Variants in SEPTIN11 observed in about 807,000 individuals in gnomAD.
SEPTIN11 encodes septin 11, also known as septin-11.
SEPTIN11 carries 25 observed loss-of-function variants against 51.4 expected under a neutral mutation model. The observed-to-expected ratio is 0.49, with a 90% CI of 0.35 to 0.68. The LOEUF (loss-of-function observed/expected upper bound fraction) is 0.68. Ranked by LOEUF, SEPTIN11 falls within the 30% of genes least tolerant of loss-of-function variation. SEPTIN11 has a pLI of 0.00. For synonymous variants in SEPTIN11, 174 were observed against 184.1 expected (o/e 0.95, Z 0.44); for missense variants, 381 against 520.8 (o/e 0.73, Z 2.61).
At chr4:76,953,887 C>A (rs970103237) in intron 1 of SEPTIN11, among the ~76,000 whole-genome samples, 1 of 152,112 alleles carries the variant, frequency 6.6e-6, no homozygotes, top group African/African-American at 2.4e-5. Flanking sequence ...TGCCCATAAC[C>A]CACTATCCTG....
intron 1 of SEPTIN11, among the ~76,000 whole-genome samples, chr4:76,962,003 C>T (rs1721844819): frequency 2.0e-5 from 3 of 152,122 alleles, no homozygotes; most frequent in Admixed American, 2.0e-4. Context: ...AAATGAGATG[C>T]TTTGGAAAGT....
In SEPTIN11 at chr4:77,034,668, G is replaced by T. The variant is rs1726907702; in HGVS notation, c.*156G>T. The stretch of plus-strand genomic sequence containing the variant: ...TTATTAACTCGTTTTGCTGAATGTT[G>T]TTGGGTGGTAGAAAATGATAGAACA... On this transcript the variant is annotated 3_prime_UTR_variant, in exon 10 of 10. Transcript: ENST00000264893. 5 of 1,328,200 alleles carry T rather than the reference G, an allele frequency of 3.8e-6. No individual in the cohort carries two copies. Among genetic ancestry groups the T allele is most frequent in the East Asian group, 6.2e-5 (2 of 32,498 alleles). 82.3% of individuals were successfully genotyped at this position (1,328,200 alleles called of 1,614,324 possible).
intron 2 of SEPTIN11, among the ~76,000 whole-genome samples, chr4:76,997,883 T>G (rs1416646682): frequency 1.3e-5 from 2 of 152,168 alleles, no homozygotes; most frequent in Non-Finnish European, 2.9e-5. Context: ...TGGCTTCTCT[T>G]CAGTGCCTCC....
chr4:76,956,116 A>G (rs1172264561), intron 1 of SEPTIN11, among the ~76,000 whole-genome samples: 1 of 152,196 alleles, frequency 6.6e-6, no homozygotes, highest in Non-Finnish European at 1.5e-5. Context: ...ATACCAGTAT[A>G]AATTTTGTGA....
rs1172048101 is a variant in SEPTIN11, at chr4:76,996,463, G to A, written c.66G>A (p.Val22=). Residue 22 remains valine, a synonymous_variant, in exon 2 of 10, where the codon GTG becomes GTA. Transcript: ENST00000264893. ...ELRNLSLSGH[V]GFDSLPDQLV... is the part of the protein sequence containing the mutation. The stretch of plus-strand genomic sequence containing the variant: ...GAAACTTGTCTTTGTCTGGCCATGT[G>A]GGATTTGACAGCCTCCCTGACCAGC... The A allele has an allele frequency of 1.2e-6, 2 of 1,613,956 alleles. No individual in the cohort carries two copies. Among genetic ancestry groups the A allele is most frequent in the Non-Finnish European group, 1.7e-6 (2 of 1,179,960 alleles).
chr4:77,010,954 G>A (rs1176927779), intron 3 of SEPTIN11, among the ~76,000 whole-genome samples: 1 of 152,162 alleles, frequency 6.6e-6, no homozygotes, highest in African/African-American at 2.4e-5. Flanking sequence ...TAGTCATTGT[G>A]TTTATGGTCA....
At chr4:77,033,167 A>C (rs1459898198) in intron 9 of SEPTIN11, among the ~76,000 whole-genome samples, 1 of 152,016 alleles carries the variant, frequency 6.6e-6, no homozygotes, top group Non-Finnish European at 1.5e-5. Context: ...AAGAAAAAAA[A>C]AAATCACACC....
In SEPTIN11 at chr4:77,019,183, G is replaced by C; in HGVS notation, c.706G>C (p.Val236Leu). 6.2e-7 allele frequency: 1 copy of C among 1,613,468 alleles called. No individual in the cohort carries two copies. The highest frequency in any genetic ancestry group is 1.1e-5 in the South Asian group (1 of 90,762). The change falls in exon 6 of 10, where the codon GTG becomes CTG. Residue 236 changes from valine to leucine, a missense_variant. This residue lies in a region of SEPTIN11 where 197 missense variants were observed against 313.1 expected (regional missense o/e 0.63). Transcript: ENST00000264893. ...ATMSVHLPFA[V>L]VGSTEEVKIG... The stretch of plus-strand genomic sequence containing the variant: ...TTGGCAGGTCCATCTCCCATTTGCA[G>C]TGGTTGGCAGCACCGAAGAGGTGAA...
Position 77,024,156 on chromosome 4 carries a change from GCGCGCACAGAAACGCCGTATTCAAGCCT to G in SEPTIN11, c.953+3487_953+3514del, listed in dbSNP as rs1725934768. On this transcript the variant is annotated intron_variant, in intron 7 of 9. Coordinates refer to ENST00000264893, the MANE Select transcript of SEPTIN11 (RefSeq NM_018243.4). The surrounding 1 kb of genome is among the most constrained non-coding windows in gnomAD (Gnocchi z 4.2). ...AGTGTGAGGCAAAAGGAGGAGTAGC[GCGCGCACAGAAACGCCGTATTCAAGCCT>G]TGGCAGCACACCACGGCAGTAAAGC... Among the ~76,000 whole-genome samples, 2 of 152,230 alleles carry G rather than the reference GCGCGCACAGAAACGCCGTATTCAAGCCT, an allele frequency of 1.3e-5. No individual in the cohort carries two copies. Among genetic ancestry groups the G allele is most frequent in the South Asian group, 4.2e-4 (2 of 4,816 alleles).
Position 77,018,403 on chromosome 4 carries a change from C to T in SEPTIN11, c.688-762C>T, listed in dbSNP as rs187651625. 1.8e-3 allele frequency among the ~76,000 whole-genome samples: 274 copies of T among 151,008 alleles called. 6 individuals carry two copies. The South Asian group carries it at 0.034, about 19-fold the overall frequency. ...GGCAGAGCTTGCAGTGAGCCGAGAT[C>T]GCGCCACTGCACTCCAGCCTGGGCA... On this transcript the variant is annotated intron_variant, in intron 5 of 9. Coordinates refer to ENST00000264893, the MANE Select transcript of SEPTIN11 (RefSeq NM_018243.4).
At chr4:76,979,818 G>T (rs889761921) in intron 1 of SEPTIN11, among the ~76,000 whole-genome samples, 26 of 151,092 alleles carry the variant, frequency 1.7e-4, no homozygotes, top group Non-Finnish European at 3.2e-4. Context: ...CAGGGAGAAA[G>T]AGGTTGCAGT....
intron 7 of SEPTIN11, among the ~76,000 whole-genome samples, chr4:77,026,814 A>C (rs1726181791): frequency 1.3e-5 from 2 of 152,242 alleles, no homozygotes; most frequent in African/African-American, 4.8e-5. Context: ...CCTAAATAAT[A>C]GTGATCAAGA....
chr4:77,020,573 C>A lies in SEPTIN11; in HGVS notation c.856C>A (p.Arg286=). The part of the protein sequence containing the change: ...MLIRVNMEDL[R]EQTHTRHYEL... The stretch of plus-strand genomic sequence containing the variant: ...GATCCGCGTGAACATGGAGGACTTG[C>A]GAGAGCAGACTCACACCCGCCACTA... Residue 286 remains arginine, a synonymous_variant, in exon 7 of 10, where the codon CGA becomes AGA. Transcript: ENST00000264893. 2 of 1,613,862 alleles carry A rather than the reference C, an allele frequency of 1.2e-6. No individual in the cohort carries two copies. Among genetic ancestry groups the A allele is most frequent in the Middle Eastern group, 1.7e-4 (1 of 6,054 alleles).
intron 1 of SEPTIN11, among the ~76,000 whole-genome samples, chr4:76,951,220 G>T (rs1346482882): frequency 6.6e-6 from 1 of 152,168 alleles, no homozygotes; most frequent in African/African-American, 2.4e-5. Flanking sequence ...AAGTTCATGG[G>T]TCCCTTTGCG....
Position 77,005,762 on chromosome 4 carries a change from G to T in SEPTIN11, c.304G>T (p.Val102Leu). ...VRLKLTIVDT[V>L]GFGDQINKDD... ...GCTGAAGTTAACCATTGTTGACACC[G>T]TGGGATTTGGAGACCAGATAAATAA... The change falls in exon 3 of 10, where the codon GTG (valine) becomes TTG (leucine). Residue 102 changes from valine to leucine, a missense_variant. Transcript: ENST00000264893. 1 of 1,613,754 alleles carries T rather than the reference G, an allele frequency of 6.2e-7. No homozygotes were observed. The highest frequency in any genetic ancestry group is 8.5e-7 in the Non-Finnish European group (1 of 1,179,808).
intron 4 of SEPTIN11, among the ~76,000 whole-genome samples, chr4:77,014,538 G>A (rs138185628): frequency 6.6e-6 from 1 of 152,078 alleles, no homozygotes; most frequent in Non-Finnish European, 1.5e-5. Context: ...GAAATTACAA[G>A]TATACTTTCA....
In SEPTIN11 at chr4:76,949,908, C is replaced by A; in HGVS notation, c.5C>A (p.Ala2Asp). 6.5e-7 allele frequency: 1 copy of A among 1,530,366 alleles called. No homozygotes were observed. Among genetic ancestry groups the A allele is most frequent in the South Asian group, 1.2e-5 (1 of 82,158 alleles). 94.8% of individuals were successfully genotyped at this position (1,530,366 alleles called of 1,614,324 possible). A position where few individuals can be genotyped will look rare whatever the true frequency, so the allele number is the denominator to read the frequency against. The change falls in exon 1 of 10, where the codon GCC becomes GAC. Residue 2 changes from alanine to aspartate, a missense_variant. Around this residue, in one of 2 missense-constraint regions of SEPTIN11, gnomAD observed 184 missense variants for 207.7 expected, o/e 0.89. Coordinates refer to ENST00000264893, the MANE Select transcript of SEPTIN11 (RefSeq NM_018243.4). M[A>D]VAVGRPSNEE... ...GGAGCCGGTGCCGCAGCTGCGATGGCCGTGGCCGTGGGGAGACCGTCTGTG... is the reference window on the plus strand; with the variant it reads ...GGAGCCGGTGCCGCAGCTGCGATGGACGTGGCCGTGGGGAGACCGTCTGTG...
At chr4:77,010,964 A>C (rs1053185557) in intron 3 of SEPTIN11, among the ~76,000 whole-genome samples, 1 of 152,228 alleles carries the variant, frequency 6.6e-6, no homozygotes, top group Admixed American at 6.5e-5. Context: ...GTTTATGGTC[A>C]GTTAATAGGA....
intron 1 of SEPTIN11, among the ~76,000 whole-genome samples, chr4:76,962,499 TC>T (rs1387546778): frequency 1.3e-5 from 2 of 152,354 alleles, no homozygotes; most frequent in Non-Finnish European, 2.9e-5. Flanking sequence ...TATGGAATTA[TC>T]CCCACATGGG....
Sources: allele counts gnomAD v4.1 joint callset (sites outside exome capture counted in the v4.1 genomes callset), GRCh38; gene constraint gnomAD v4.1.1; regional missense constraint gnomAD v4.1.1; non-coding constraint Gnocchi (gnomAD v3.1); transcripts MANE v1.5; gene names NCBI Gene and HGNC (gene_info 2026-07-23, HGNC 2026-07-21).